The following NDUFAF2 variants were observed in gnomAD, a reference collection of about 807,000 sequenced individuals.
The protein encoded by NDUFAF2 is NADH:ubiquinone oxidoreductase complex assembly factor 2.
In NDUFAF2, 13 loss-of-function variants were observed where a neutral mutation model predicts 22.8. That is an observed-to-expected ratio of 0.57 (90% CI 0.37 to 0.91). The LOEUF (loss-of-function observed/expected upper bound fraction) is 0.91, where lower values mean the gene tolerates loss of function less well. NDUFAF2 is among the 40% of genes least tolerant of loss of function. NDUFAF2 has a pLI of 0.01. For missense variants in NDUFAF2, 162 were observed against 195.2 expected (o/e 0.83, Z 1.01); for synonymous variants, 53 against 64.2 (o/e 0.83, Z 0.84).
chr5:61,118,382 C>T (rs1249808344), intron 3 of NDUFAF2, among the ~76,000 whole-genome samples: 2 of 152,194 alleles, frequency 1.3e-5, no homozygotes, highest in Non-Finnish European at 2.9e-5. Context: ...ATTATAGTTT[C>T]TCTGTCTACC....
chr5:60,957,001 A>G (rs1750625372), intron 1 of NDUFAF2, among the ~76,000 whole-genome samples: 1 of 152,152 alleles, frequency 6.6e-6, no homozygotes, highest in Non-Finnish European at 1.5e-5. Flanking sequence ...AACCAATTTT[A>G]AAGTTGATAA....
At chr5:61,009,887 G>A (rs1266127074) in intron 1 of NDUFAF2, among the ~76,000 whole-genome samples, 2 of 151,918 alleles carry the variant, frequency 1.3e-5, no homozygotes, top group African/African-American at 4.8e-5. Flanking sequence ...ACAAAGCAAA[G>A]CAAAACAAAA....
At chr5:61,065,781 G>T (rs568198865) in intron 1 of NDUFAF2, among the ~76,000 whole-genome samples, 1 of 152,084 alleles carries the variant, frequency 6.6e-6, no homozygotes, top group African/African-American at 2.4e-5. Context: ...CTGAGATCTG[G>T]TGCAAGGCAA....
chr5:61,098,163 A>C (rs903064469), intron 2 of NDUFAF2, among the ~76,000 whole-genome samples: 1 of 152,216 alleles, frequency 6.6e-6, no homozygotes, highest in East Asian at 1.9e-4. Flanking sequence ...ATTATCTTAT[A>C]TAATTTTCAC....
intron 1 of NDUFAF2, among the ~76,000 whole-genome samples, chr5:61,040,731 G>T (rs1257188030): frequency 6.6e-6 from 1 of 152,026 alleles, no homozygotes; most frequent in Non-Finnish European, 1.5e-5. Flanking sequence ...TTCTTCATGA[G>T]AACACGTTAG....
intron 2 of NDUFAF2, among the ~76,000 whole-genome samples, chr5:61,077,085 A>G (rs1264109598): frequency 8.5e-5 from 13 of 152,238 alleles, no homozygotes; most frequent in Admixed American, 8.5e-4. Context: ...TGAGATGCCT[A>G]TTAGACATCC....
At chr5:61,040,212 C>G (rs1311270541) in intron 1 of NDUFAF2, among the ~76,000 whole-genome samples, 6 of 149,744 alleles carry the variant, frequency 4.0e-5, no homozygotes, top group African/African-American at 1.5e-4. Context: ...ATGGTCGACT[C>G]TAAATCTAAT....
At chr5:61,071,244 T>C (rs1456083928) in intron 1 of NDUFAF2, among the ~76,000 whole-genome samples, 1 of 152,160 alleles carries the variant, frequency 6.6e-6, no homozygotes, top group African/African-American at 2.4e-5. Flanking sequence ...ATTTATTGGG[T>C]AAGATAAGCA....
chr5:61,082,457 C>G (rs1162809886), intron 2 of NDUFAF2, among the ~76,000 whole-genome samples: 1 of 152,000 alleles, frequency 6.6e-6, no homozygotes, highest in Non-Finnish European at 1.5e-5. Context: ...GTTCCATGTG[C>G]ATGTTTCTTA....
intron 1 of NDUFAF2, among the ~76,000 whole-genome samples, chr5:60,959,002 T>G (rs1750651830): frequency 6.6e-6 from 1 of 152,110 alleles, no homozygotes; most frequent in South Asian, 2.1e-4. Flanking sequence ...TATCCACTAT[T>G]ATATGTAATT....
intron 1 of NDUFAF2, among the ~76,000 whole-genome samples, chr5:61,040,280 ACACACACGCG>A (rs767429900): frequency 0.07 from 7,989 of 114,354 alleles, 292 homozygotes; most frequent in Non-Finnish European, 0.11. Context: ...ACACACACAC[ACACACACGCG>A]CGCGCGCGCG....
chr5:61,141,484 A>G (rs1741056966), intron 3 of NDUFAF2, among the ~76,000 whole-genome samples: 3 of 152,232 alleles, frequency 2.0e-5, no homozygotes, highest in Middle Eastern at 3.4e-3. Flanking sequence ...TGAATGGGAA[A>G]GTAGGAAAGG....
At chr5:61,007,500 C>T (rs1751382896) in intron 1 of NDUFAF2, among the ~76,000 whole-genome samples, 1 of 152,118 alleles carries the variant, frequency 6.6e-6, no homozygotes, top group African/African-American at 2.4e-5. Context: ...AGGATATGAA[C>T]AGACACTTCT....
intron 1 of NDUFAF2, among the ~76,000 whole-genome samples, chr5:61,040,097 A>G (rs778014530): frequency 1.3e-5 from 2 of 152,134 alleles, no homozygotes; most frequent in Non-Finnish European, 2.9e-5. Flanking sequence ...AGTGGGTTGA[A>G]TAGTGTCCCC....
intron 1 of NDUFAF2, 129 bp from the exon 2 acceptor site, chr5:61,072,996 T>G: frequency 3.1e-6 from 2 of 649,856 alleles, no homozygotes. Flanking sequence ...AAAATGGAAA[T>G]CTATTCTCGT....
chr5:61,143,960 TTGTGTGTGTGTGTGTGTG>T (rs58281805), intron 3 of NDUFAF2, among the ~76,000 whole-genome samples: 4 of 98,142 alleles, frequency 4.1e-5, no homozygotes, highest in South Asian at 3.0e-4. Flanking sequence ...TGGCATATTT[TTGTGTGTGTGTGTGTGTG>T]TGTGTGTGTG....
intron 1 of NDUFAF2, among the ~76,000 whole-genome samples, chr5:61,037,100 C>T (rs1188336678): frequency 1.3e-5 from 2 of 152,070 alleles, no homozygotes; most frequent in African/African-American, 4.8e-5. Context: ...GGATCTTGCT[C>T]TCTTGTGTGG....
At chr5:61,005,319 T>G (rs1193013075) in intron 1 of NDUFAF2, among the ~76,000 whole-genome samples, 1 of 152,230 alleles carries the variant, frequency 6.6e-6, no homozygotes, top group Non-Finnish European at 1.5e-5. Flanking sequence ...TGCCACATTT[T>G]CTTAATCCAG....
intron 2 of NDUFAF2, among the ~76,000 whole-genome samples, chr5:61,073,656 A>AT (rs946914174): frequency 1.3e-5 from 2 of 152,158 alleles, no homozygotes; most frequent in African/African-American, 2.4e-5. Flanking sequence ...CATTTGGAGT[A>AT]TTTTTTCAAC....
Sources: allele counts gnomAD v4.1 joint callset (sites outside exome capture counted in the v4.1 genomes callset), GRCh38; gene constraint gnomAD v4.1.1; transcripts MANE v1.5; gene names NCBI Gene and HGNC (gene_info 2026-07-23, HGNC 2026-07-21).